The following DNAL1 variants were observed in gnomAD, a reference collection of about 807,000 sequenced individuals.
The protein encoded by DNAL1 is dynein axonemal light chain 1, also known as chromosome 14 open reading frame 168.
DNAL1 carries 17 observed loss-of-function variants against 29.4 expected under a neutral mutation model. The ratio of observed to expected loss-of-function variants is 0.58; its 90% CI spans 0.40 to 0.87. The LOEUF (loss-of-function observed/expected upper bound fraction) is 0.87. Among genes scored for constraint, DNAL1 ranks in the 40% least tolerant of loss-of-function variants. DNAL1 has a pLI of 0.00. For missense variants in DNAL1, 188 were observed against 214.1 expected (o/e 0.88, Z 0.76); for synonymous variants, 78 against 76.3 (o/e 1.02, Z -0.12).
chr14:73,677,883 T>TATA lies in DNAL1; in HGVS notation c.264+6286_264+6287insATA, dbSNP rs1478185673. ...ATATATTTATATATATATATATATA[T>TATA]TTGTGTGTGTGTGTGTGTGTGTGTG... On this transcript the variant is annotated intron_variant, in intron 5 of 7. Coordinates refer to ENST00000553645, the MANE Select transcript of DNAL1 (RefSeq NM_031427.4). Among the ~76,000 whole-genome samples, 629 of 125,302 alleles carry TATA rather than the reference T, an allele frequency of 5.0e-3. 8 individuals are homozygous for TATA. The highest frequency in any genetic ancestry group is 0.019 in the African/African-American group (591 of 30,900). 82.2% of individuals were successfully genotyped at this position (125,302 alleles called of 152,430 possible).
intron 6 of DNAL1, 100 bp downstream of exon 6, chr14:73,687,485 C>G: frequency 5.3e-6 from 7 of 1,329,140 alleles, no homozygotes; most frequent in Non-Finnish European, 5.9e-6. Context: ...TTTCTAAGCA[C>G]AGAGAGAAAG....
intron 4 of DNAL1, among the ~76,000 whole-genome samples, chr14:73,663,612 T>C (rs961003909): frequency 5.3e-5 from 8 of 152,198 alleles, no homozygotes; most frequent in Non-Finnish European, 1.2e-4. Context: ...GACCCATAGT[T>C]TGAAAAACAC....
chr14:73,656,003 T>C (rs549196021), intron 2 of DNAL1, among the ~76,000 whole-genome samples: 2 of 152,316 alleles, frequency 1.3e-5, no homozygotes, highest in South Asian at 4.1e-4. Context: ...CCCATAAACT[T>C]ATTTGTCTAT....
intron 5 of DNAL1, among the ~76,000 whole-genome samples, chr14:73,677,808 T>C (rs12437264): frequency 0.23 from 33,697 of 149,726 alleles, 4,922 homozygotes; most frequent in Non-Finnish European, 0.33. Flanking sequence ...CCGCCCACCT[T>C]GGCCTCCCAA....
chr14:73,649,408 G>T (rs1048475354), intron 1 of DNAL1, among the ~76,000 whole-genome samples: 1 of 150,864 alleles, frequency 6.6e-6, no homozygotes, highest in Non-Finnish European at 1.5e-5. Flanking sequence ...TCAGCCTCCC[G>T]AGTAGCTGGG....
intron 7 of DNAL1, among the ~76,000 whole-genome samples, chr14:73,693,817 G>A (rs1819219477): frequency 6.6e-6 from 1 of 152,112 alleles, no homozygotes; most frequent in South Asian, 2.1e-4. Context: ...AGGCAGTTTT[G>A]GGGGTTCTGA....
chr14:73,685,975 G>A (rs1391653285), intron 5 of DNAL1, among the ~76,000 whole-genome samples: 1 of 152,136 alleles, frequency 6.6e-6, no homozygotes, highest in Non-Finnish European at 1.5e-5. Context: ...CCCCTGTTAA[G>A]TGATATCAAT....
At chr14:73,692,529 C>G (rs1358410763) in intron 7 of DNAL1, among the ~76,000 whole-genome samples, 8 of 150,606 alleles carry the variant, frequency 5.3e-5, no homozygotes, top group African/African-American at 1.7e-4. Context: ...CATGGTGGCA[C>G]ATGCCTGTAA....
chr14:73,668,074 A>T (rs999306799), intron 4 of DNAL1, among the ~76,000 whole-genome samples: 1 of 152,106 alleles, frequency 6.6e-6, no homozygotes, highest in Non-Finnish European at 1.5e-5. Context: ...CTTCCTCCAG[A>T]TATGTGCATG....
In DNAL1 at chr14:73,658,965, T is replaced by C; in HGVS notation, c.152+9T>C. ...ATGCTTGCTAATTGCGAGTAAGTTC[T>C]CTTTTCATCCTTCCAGTATTGCTGT... On this transcript the variant is annotated intron_variant, in intron 3 of 7. Coordinates refer to ENST00000553645, the MANE Select transcript of DNAL1 (RefSeq NM_031427.4). 9.6e-6 allele frequency: 14 copies of C among 1,455,044 alleles called. No individual in the cohort carries two copies. The highest frequency in any genetic ancestry group is 1.3e-5 in the Non-Finnish European group (14 of 1,092,588). The allele number at this position is 1,455,044 out of a possible 1,614,324, so 90.1% of individuals were successfully genotyped here. A position where few individuals can be genotyped will look rare whatever the true frequency, so the allele number is the denominator to read the frequency against.
rs184905973 is a variant in DNAL1, at chr14:73,669,726, G to A, written c.209-1816G>A. On this transcript the variant is annotated intron_variant, in intron 4 of 7. Coordinates refer to ENST00000553645, the MANE Select transcript of DNAL1 (RefSeq NM_031427.4). ...ATAATTGGCATAAGCTACAATGCCTGGCCCAATTACCTCTTTACAGGCTCT... is the reference window on the plus strand; with the variant it reads ...ATAATTGGCATAAGCTACAATGCCTAGCCCAATTACCTCTTTACAGGCTCT... Among the ~76,000 whole-genome samples the A allele has an allele frequency of 6.6e-5, 10 of 152,178 alleles. No individual in the cohort carries two copies. In the East Asian group the frequency reaches 1.9e-3, roughly 29 times the overall value.
intron 6 of DNAL1, 84 bp from the exon 7 acceptor site, chr14:73,689,291 C>G: frequency 6.7e-7 from 1 of 1,503,600 alleles, no homozygotes; most frequent in South Asian, 1.3e-5. Context: ...CTTGTCCCCC[C>G]AAAGTTCTGG....
intron 1 of DNAL1, among the ~76,000 whole-genome samples, chr14:73,650,000 T>G (rs925872668): frequency 1.3e-5 from 2 of 152,232 alleles, no homozygotes; most frequent in East Asian, 3.8e-4. Context: ...TTGTTTTGTT[T>G]TGAGATAGGG....
intron 1 of DNAL1, among the ~76,000 whole-genome samples, chr14:73,650,731 C>T (rs1438481997): frequency 6.6e-6 from 1 of 152,076 alleles, no homozygotes; most frequent in Non-Finnish European, 1.5e-5. Context: ...CCACCTCAGC[C>T]TCCAAAAGTC....
At chr14:73,657,077 C>T (rs1031651301) in intron 2 of DNAL1, among the ~76,000 whole-genome samples, 5 of 152,056 alleles carry the variant, frequency 3.3e-5, no homozygotes, top group African/African-American at 1.2e-4. Context: ...AGCCATTGTG[C>T]CCGGCCTATT....
intron 1 of DNAL1, chr14:73,651,183 T>G (rs1030122150): frequency 1.3e-5 from 2 of 152,256 alleles, no homozygotes; most frequent in Non-Finnish European, 2.9e-5. Flanking sequence ...GGTCTTGCTG[T>G]GTTGTCCAGG....
rs142291074 is a variant in DNAL1, at chr14:73,685,854, G to A, written c.265-1405G>A. Among the ~76,000 whole-genome samples the A allele has an allele frequency of 3.5e-3, 526 of 152,152 alleles. 3 individuals are homozygous for A. The highest frequency in any genetic ancestry group is 0.012 in the African/African-American group (495 of 41,494). On this transcript the variant is annotated intron_variant, in intron 5 of 7. Coordinates refer to ENST00000553645, the MANE Select transcript of DNAL1 (RefSeq NM_031427.4). Reference sequence around the variant, plus strand: ...GTCTATCAGTGGACACTTGGGTCACGTCCATCTTTTGGCTATTGTGAATTT... The same window carrying A: ...GTCTATCAGTGGACACTTGGGTCACATCCATCTTTTGGCTATTGTGAATTT...
At chr14:73,676,606 G>T (rs1224112946) in intron 5 of DNAL1, among the ~76,000 whole-genome samples, 1 of 152,090 alleles carries the variant, frequency 6.6e-6, no homozygotes, top group Admixed American at 6.6e-5. Context: ...TACAGTATCA[G>T]TATACAATCA....
At position 73,696,032 on chromosome 14, in the gene DNAL1, A is replaced by G. The variant is rs1892292595; in HGVS notation, c.*90A>G. ...TAATTGTCTATTTTAAAGATTCTGT[A>G]TGGGACAAAAGTTTCTTAAGATAAA... On this transcript the variant is annotated 3_prime_UTR_variant, in exon 8 of 8. Coordinates refer to ENST00000553645, the MANE Select transcript of DNAL1 (RefSeq NM_031427.4). 1.6e-6 allele frequency: 2 copies of G among 1,235,644 alleles called. No homozygotes were observed. The highest frequency in any genetic ancestry group is 1.5e-5 in the African/African-American group (1 of 65,282). 76.5% of individuals were successfully genotyped at this position (1,235,644 alleles called of 1,614,324 possible).
Sources: gnomAD v4.1 joint callset for allele counts (sites outside exome capture counted in the v4.1 genomes callset) on GRCh38, gnomAD v4.1.1 for gene constraint, MANE v1.5 for transcripts, NCBI Gene and HGNC (gene_info 2026-07-23, HGNC 2026-07-21) for gene names.